The following DYNC1LI2 variants were observed in gnomAD, a reference collection of about 807,000 sequenced individuals.
DYNC1LI2 encodes the protein dynein cytoplasmic 1 light intermediate chain 2, also known as cytoplasmic dynein 1 light intermediate chain 2.
In DYNC1LI2, 19 loss-of-function variants were observed where a neutral mutation model predicts 57.8. The observed-to-expected ratio is 0.33, with a 90% CI of 0.23 to 0.48. The LOEUF is 0.48. Ranked by LOEUF, DYNC1LI2 falls within the 20% of genes least tolerant of loss-of-function variation. The pLI, the probability that DYNC1LI2 is intolerant of heterozygous loss-of-function variation, is 0.99. For synonymous variants in DYNC1LI2, 256 were observed against 233.4 expected (o/e 1.10, Z -0.88); for missense variants, 470 against 604.2 (o/e 0.78, Z 2.33).
chr16:66,742,391 A>C (rs1312326164), intron 4 of DYNC1LI2, 47 bp downstream of exon 4: 2 of 1,580,488 alleles, frequency 1.3e-6, no homozygotes, highest in Non-Finnish European at 1.7e-6. Flanking sequence ...CAAACCATCT[A>C]AAGAGACTCG....
intron 12 of DYNC1LI2, chr16:66,724,872 GC>G (rs1163362235): frequency 1.3e-5 from 2 of 152,214 alleles, no homozygotes; most frequent in East Asian, 3.9e-4. Context: ...AACAACTAAG[GC>G]TTTAGTATAA....
intron 5 of DYNC1LI2, among the ~76,000 whole-genome samples, chr16:66,735,166 C>T (rs2017711749): frequency 6.7e-6 from 1 of 148,826 alleles, no homozygotes; most frequent in South Asian, 2.1e-4. Flanking sequence ...TGCAGTGGCG[C>T]CATCTCAGCT....
chr16:66,729,663 G>A (rs566716156), intron 8 of DYNC1LI2, among the ~76,000 whole-genome samples: 2 of 137,552 alleles, frequency 1.5e-5, no homozygotes, highest in Non-Finnish European at 3.0e-5. Context: ...TACAACCTCC[G>A]CCTCCCAGGT....
intron 4 of DYNC1LI2, among the ~76,000 whole-genome samples, chr16:66,741,114 C>A (rs772312704): frequency 7.9e-5 from 12 of 152,120 alleles, no homozygotes; most frequent in Non-Finnish European, 1.6e-4. Flanking sequence ...TGGGAAAAAA[C>A]AATATTGGCT....
chr16:66,750,179 T>C (rs927728070), intron 2 of DYNC1LI2, among the ~76,000 whole-genome samples: 5 of 152,204 alleles, frequency 3.3e-5, no homozygotes, highest in African/African-American at 9.6e-5. Flanking sequence ...GGCAGCGTTC[T>C]TTCTAAAACT....
chr16:66,728,325 T>G, intron 9 of DYNC1LI2, 83 bp from the exon 10 acceptor site: 1 of 1,502,442 alleles, frequency 6.7e-7, no homozygotes, highest in Non-Finnish European at 9.2e-7. Context: ...CTCCAAGTAC[T>G]CCACTAGAGG....
intron 7 of DYNC1LI2, chr16:66,731,068 G>A (rs976524118): frequency 3.9e-5 from 6 of 152,250 alleles, no homozygotes; most frequent in African/African-American, 1.4e-4. Context: ...TATCCTTGCT[G>A]ACTTTGCCAG....
At chr16:66,736,380 C>A (rs2017735850) in intron 4 of DYNC1LI2, 136 bp from the exon 5 acceptor site, 3 of 1,034,170 alleles carry the variant, frequency 2.9e-6, no homozygotes, top group Non-Finnish European at 4.1e-6. Context: ...TCACATCCAA[C>A]TGCAAAATCA....
intron 3 of DYNC1LI2, among the ~76,000 whole-genome samples, chr16:66,747,446 T>C (rs2017957589): frequency 6.6e-6 from 1 of 152,130 alleles, no homozygotes; most frequent in Non-Finnish European, 1.5e-5. Context: ...TTGGTTCAAC[T>C]TTGTCATTTT....
chr16:66,740,535 G>C (rs1269064350), intron 4 of DYNC1LI2, among the ~76,000 whole-genome samples: 8 of 152,176 alleles, frequency 5.3e-5, no homozygotes. Flanking sequence ...AGAGTCGTGG[G>C]ACATGGTTCC....
intron 3 of DYNC1LI2, among the ~76,000 whole-genome samples, chr16:66,746,590 G>A (rs1299935947): frequency 1.3e-5 from 2 of 152,060 alleles, no homozygotes; most frequent in East Asian, 3.8e-4. Flanking sequence ...ATACTTAAAG[G>A]CAAATAAATG....
chr16:66,729,086 T>C lies in DYNC1LI2; in HGVS notation c.1055A>G (p.Lys352Arg). ...KPPVRKLVHDKELAAEDEQVF... is the reference protein window; with the variant it reads ...KPPVRKLVHDRELAAEDEQVF... ...CTGCTCATCTTCTGCTGCCAACTCT[T>C]TGTCGTGGACCAGCTGTGAAACAAC... Residue 352 changes from lysine (K) to arginine (R), a missense_variant, in exon 9 of 13, where the codon AAA (lysine) becomes AGA (arginine). By Grantham distance (26) the Lys-to-Arg change is conservative (BLOSUM62 2). Coordinates refer to ENST00000258198, the MANE Select transcript of DYNC1LI2 (RefSeq NM_006141.3). 3 of 1,614,160 alleles carry C rather than the reference T, an allele frequency of 1.9e-6. No homozygotes were observed. Among genetic ancestry groups the C allele is most frequent in the Non-Finnish European group, 2.5e-6 (3 of 1,180,044 alleles).
At chr16:66,750,090 C>T (rs1297951502) in intron 2 of DYNC1LI2, among the ~76,000 whole-genome samples, 1 of 152,180 alleles carries the variant, frequency 6.6e-6, no homozygotes, top group Non-Finnish European at 1.5e-5. Flanking sequence ...CTTATTCAGG[C>T]CCTCTGCATC....
chr16:66,744,401 T>C (rs1448862787), intron 3 of DYNC1LI2, among the ~76,000 whole-genome samples: 1 of 152,226 alleles, frequency 6.6e-6, no homozygotes. Flanking sequence ...TGGTTCATGA[T>C]ACCACTCTCT....
chr16:66,729,575 T>G (rs1417358317), intron 8 of DYNC1LI2, among the ~76,000 whole-genome samples: 3 of 140,502 alleles, frequency 2.1e-5, no homozygotes, highest in Middle Eastern at 3.5e-3. Flanking sequence ...TTTATAGTTT[T>G]TTTTTTTTTT....
chr16:66,728,290 C>G, intron 9 of DYNC1LI2, 48 bp from the exon 10 acceptor site: 1 of 1,609,674 alleles, frequency 6.2e-7, no homozygotes, highest in African/African-American at 1.3e-5. Context: ...CTGCAGAGAG[C>G]ACTGAAGGTC....
In DYNC1LI2 at chr16:66,723,757, T is replaced by C. The variant is rs144068296; in HGVS notation, c.1444A>G (p.Met482Val). 1.3e-5 allele frequency: 21 copies of C among 1,609,690 alleles called. No individual in the cohort carries two copies. Among genetic ancestry groups the C allele is most frequent in the South Asian group, 7.8e-5 (7 of 90,020 alleles). The part of the protein sequence containing the change: ...LDRMTRKPDS[M>V]VTNSSTENEA ...TTTTCTGTTGAAGAGTTTGTTACCA[T>C]AGAGTCTGGCTTTCGAGTCATTCTA... Residue 482 changes from methionine to valine, a missense_variant, in exon 13 of 13, where the codon ATG becomes GTG. Physicochemically the swap from Met to Val is conservative, Grantham distance 21 (BLOSUM62 1). Coordinates refer to ENST00000258198, the MANE Select transcript of DYNC1LI2 (RefSeq NM_006141.3).
intron 10 of DYNC1LI2, 84 bp from the exon 11 acceptor site, chr16:66,727,889 G>T: frequency 8.0e-7 from 1 of 1,254,644 alleles, no homozygotes; most frequent in Non-Finnish European, 1.1e-6. Flanking sequence ...ATGCTTCTGA[G>T]GGATATTTTT....
intron 5 of DYNC1LI2, among the ~76,000 whole-genome samples, chr16:66,735,518 A>AT (rs1486778584): frequency 6.7e-6 from 1 of 149,314 alleles, no homozygotes; most frequent in Non-Finnish European, 1.5e-5. Flanking sequence ...TTTTATTTTT[A>AT]TTTTTTGAGA....
Sources: allele counts gnomAD v4.1 joint callset (sites outside exome capture counted in the v4.1 genomes callset), GRCh38; gene constraint gnomAD v4.1.1; transcripts MANE v1.5; gene names NCBI Gene and HGNC (gene_info 2026-07-23, HGNC 2026-07-21).